Variants in SATB2 observed in about 807,000 individuals in gnomAD.
SATB2 encodes the protein DNA-binding protein SATB2.
Under a neutral mutation model 73.4 loss-of-function variants are expected in SATB2, and 1 was observed. The observed-to-expected ratio is 0.01, with a 90% CI of 0.00 to 0.06. The LOEUF is 0.06. SATB2 is among the 10% of genes least tolerant of loss of function. The pLI is 1.00. For missense variants in SATB2, 459 were observed against 945.8 expected (o/e 0.49, Z 6.75); for synonymous variants, 397 against 367.0 (o/e 1.08, Z -0.93).
At chr2:199,286,481 T>C (rs1692691510) in intron 10 of SATB2, among the ~76,000 whole-genome samples, 2 of 151,918 alleles carry the variant, frequency 1.3e-5, no homozygotes, top group South Asian at 4.2e-4. Context: ...ACCAAAACCA[T>C]TCCACAAAAA....
chr2:199,453,577 T>C (rs973319044), intron 2 of SATB2, among the ~76,000 whole-genome samples: 10 of 152,024 alleles, frequency 6.6e-5, no homozygotes, highest in African/African-American at 9.7e-5. Context: ...ATTTTAAACA[T>C]TTTTTAAAAT....
chr2:199,424,798 GA>G (rs1343858551), intron 3 of SATB2, among the ~76,000 whole-genome samples: 2 of 152,178 alleles, frequency 1.3e-5, no homozygotes, highest in Non-Finnish European at 2.9e-5. Flanking sequence ...TGTCCATTAT[GA>G]ATGCCAAAAT....
chr2:199,416,650 T>G (rs925110718), intron 3 of SATB2, among the ~76,000 whole-genome samples: 1 of 152,162 alleles, frequency 6.6e-6, no homozygotes, highest in Non-Finnish European at 1.5e-5. Context: ...TAAATCAGAA[T>G]AAATTAAACT....
chr2:199,458,101 T>G (rs1295756541), upstream of SATB2: 13 of 53,760 alleles, frequency 2.4e-4, no homozygotes, highest in South Asian at 5.7e-4. Context: ...TAATTTGGGG[T>G]GGGGGTAGGG....
At chr2:199,402,340 A>ACG (rs1335049770) in intron 3 of SATB2, among the ~76,000 whole-genome samples, 1 of 151,886 alleles carries the variant, frequency 6.6e-6, no homozygotes, top group Non-Finnish European at 1.5e-5. Context: ...AGCTGAGATC[A>ACG]CGCCACTGCA....
At chr2:199,332,856 T>G (rs1688227697) in intron 7 of SATB2, among the ~76,000 whole-genome samples, 1 of 152,116 alleles carries the variant, frequency 6.6e-6, no homozygotes, top group South Asian at 2.1e-4. Context: ...GCTTTTGACA[T>G]CTTGTCTGGG....
At chr2:199,466,354 G>A (rs1692593132), upstream of SATB2, among the ~76,000 whole-genome samples, 2 of 152,098 alleles carry the variant, frequency 1.3e-5, no homozygotes, top group African/African-American at 4.8e-5. Context: ...CTTTCCCAGA[G>A]GATCACAGAC....
chr2:199,468,767 C>A (rs1415676200), upstream of SATB2: 2 of 152,328 alleles, frequency 1.3e-5, no homozygotes, highest in Admixed American at 1.3e-4. Flanking sequence ...TGGAGCCCCG[C>A]CAGCAGCCCC....
intron 6 of SATB2, among the ~76,000 whole-genome samples, chr2:199,356,001 T>C (rs1351401447): frequency 6.6e-6 from 1 of 151,930 alleles, no homozygotes; most frequent in Non-Finnish European, 1.5e-5. Context: ...GCCCCTTGGG[T>C]TTGTCCATAG....
At chr2:199,425,486 T>C (rs1162917472) in intron 3 of SATB2, among the ~76,000 whole-genome samples, 1 of 152,206 alleles carries the variant, frequency 6.6e-6, no homozygotes, top group Non-Finnish European at 1.5e-5. Flanking sequence ...ATAGGACTTT[T>C]TTTAGTGGGC....
chr2:199,281,100 T>A (rs192143078), intron 10 of SATB2, among the ~76,000 whole-genome samples: 120 of 152,130 alleles, frequency 7.9e-4, no homozygotes, highest in African/African-American at 2.6e-3. Flanking sequence ...CCTACTTGAC[T>A]ATCAAGGGCA....
chr2:199,396,344 G>T (rs1388946979), intron 3 of SATB2: 1 of 152,090 alleles, frequency 6.6e-6, no homozygotes, highest in Non-Finnish European at 1.5e-5. Flanking sequence ...TCACCCAGGG[G>T]CACTCAAAAT....
intron 2 of SATB2, among the ~76,000 whole-genome samples, chr2:199,434,161 A>C (rs963078622): frequency 1.3e-5 from 2 of 152,142 alleles, no homozygotes; most frequent in African/African-American, 4.8e-5. Context: ...TAGCCTGAAA[A>C]TAACATGATC....
At chr2:199,304,199 T>C (rs1687367579) in intron 10 of SATB2, among the ~76,000 whole-genome samples, 1 of 152,198 alleles carries the variant, frequency 6.6e-6, no homozygotes, top group Non-Finnish European at 1.5e-5. Flanking sequence ...GAGTTGGTAG[T>C]AATGAACCTA....
chr2:199,383,298 T>C (rs1285100766), intron 3 of SATB2, among the ~76,000 whole-genome samples: 1 of 152,112 alleles, frequency 6.6e-6, no homozygotes, highest in Non-Finnish European at 1.5e-5. Flanking sequence ...CTTAACATTC[T>C]CTCTCATGAC....
At chr2:199,275,744 T>A (rs1300873054) in intron 10 of SATB2, among the ~76,000 whole-genome samples, 1 of 152,194 alleles carries the variant, frequency 6.6e-6, no homozygotes, top group Non-Finnish European at 1.5e-5. Context: ...GGCACCATGA[T>A]GACATCTACA....
intron 6 of SATB2, among the ~76,000 whole-genome samples, chr2:199,354,606 G>A (rs1028647954): frequency 6.6e-6 from 1 of 152,162 alleles, no homozygotes; most frequent in Admixed American, 6.5e-5. Context: ...GAGACTTTTG[G>A]TAGCTATTCC....
At position 199,308,512 on chromosome 2, in the gene SATB2, G is replaced by A. The variant is rs12613202; in HGVS notation, c.1740+248C>T. Among the ~76,000 whole-genome samples the A allele has an allele frequency of 2.1e-4, 32 of 151,924 alleles. No individual in the cohort carries two copies. The highest frequency in any genetic ancestry group is 2.0e-3 in the Admixed American group (31 of 15,250). On this transcript the variant is annotated intron_variant, in intron 10 of 10. Coordinates refer to ENST00000417098, the MANE Select transcript of SATB2 (RefSeq NM_001172509.2). This position sits in a 1 kb window ranked among gnomAD's most constrained non-coding sequence, Gnocchi z 4.6. ...GATCTCAGGAAAGCAGCTGTCTTTG[G>A]CATTCAACTTCTCAGTCATTTTTCT...
intron 2 of SATB2, among the ~76,000 whole-genome samples, chr2:199,448,052 G>A (rs1246756375): frequency 3.3e-5 from 5 of 152,158 alleles, no homozygotes; most frequent in Non-Finnish European, 5.9e-5. Flanking sequence ...GACACTTAAA[G>A]AGACATTTAT....
Sources: gnomAD v4.1 joint callset for allele counts (sites outside exome capture counted in the v4.1 genomes callset) on GRCh38, gnomAD v4.1.1 for gene constraint, Gnocchi (gnomAD v3.1) non-coding constraint, MANE v1.5 for transcripts, NCBI Gene and HGNC (gene_info 2026-07-23, HGNC 2026-07-21) for gene names.